Variants in DGKZ observed in about 807,000 individuals in gnomAD.
The protein encoded by DGKZ is diacylglycerol kinase zeta.
A neutral mutation model predicts 142.5 loss-of-function variants in DGKZ; 45 were observed. That is an observed-to-expected ratio of 0.32 (90% CI 0.25 to 0.40). The LOEUF (loss-of-function observed/expected upper bound fraction) is 0.40. Among genes scored for constraint, DGKZ ranks in the 10% least tolerant of loss-of-function variants. The pLI is 1.00. For missense variants in DGKZ, 755 were observed against 1,306.5 expected, an observed-to-expected ratio of 0.58 and a Z score of 6.51; for synonymous variants, 442 against 527.0, an observed-to-expected ratio of 0.84 and a Z score of 2.21.
chr11:46,365,062 G>A, intron 1 of DGKZ: 5 of 985,464 alleles, frequency 5.1e-6, no homozygotes, highest in Non-Finnish European at 6.0e-6. Flanking sequence ...GGGCACAGGA[G>A]CTCGATGCTG....
At chr11:46,349,068 T>C (rs976017202) in intron 1 of DGKZ, among the ~76,000 whole-genome samples, 1 of 152,194 alleles carries the variant, frequency 6.6e-6, no homozygotes, top group Non-Finnish European at 1.5e-5. Context: ...CCCGTGATGC[T>C]GACTTGTGCC....
At chr11:46,360,201 C>G (rs922416657) in intron 1 of DGKZ, among the ~76,000 whole-genome samples, 2 of 152,106 alleles carry the variant, frequency 1.3e-5, no homozygotes, top group African/African-American at 2.4e-5. Flanking sequence ...TGATGCCACT[C>G]TTTTTGCTAA....
At chr11:46,378,123 C>A in intron 25 of DGKZ, 75 bp from the exon 26 acceptor site, 1 of 1,551,068 alleles carries the variant, frequency 6.4e-7, no homozygotes, top group Non-Finnish European at 8.7e-7. Context: ...ATGAAGATGC[C>A]CCCAGTTGGG....
chr11:46,346,691 A>T (rs61882678), upstream of DGKZ, among the ~76,000 whole-genome samples: 30,776 of 151,988 alleles, frequency 0.2, 3,665 homozygotes, highest in African/African-American at 0.33. Flanking sequence ...GGAGTGTGGT[A>T]CCTGTTGTCC....
chr11:46,345,493 G>C, upstream of DGKZ: 3 of 1,514,050 alleles, frequency 2.0e-6, no homozygotes, highest in African/African-American at 1.4e-5. The surrounding 1 kb of genome is among the most constrained non-coding windows in gnomAD (Gnocchi z 4.1). Context: ...CGCTGGGGAC[G>C]GAAGAAGGGG....
chr11:46,378,137 G>A, intron 25 of DGKZ, 61 bp from the exon 26 acceptor site: 1 of 1,575,094 alleles, frequency 6.3e-7, no homozygotes, highest in Non-Finnish European at 8.6e-7. Context: ...AGTTGGGGTT[G>A]GGGAGGGCGA....
In DGKZ at chr11:46,366,771, T is replaced by A. The variant is rs1006664012; in HGVS notation, c.162-520T>A. On this transcript the variant is annotated intron_variant, in intron 1 of 30. Coordinates refer to ENST00000527911, the Ensembl canonical transcript of DGKZ. The stretch of plus-strand genomic sequence containing the variant: ...TCCCACCTGCTCCCCGCGGATGCCG[T>A]ATATGACCACGCTCTCTGGGGCCTG... The A allele has an allele frequency of 4.5e-6, 7 of 1,548,960 alleles. No individual in the cohort carries two copies. In the African/African-American group the frequency reaches 9.6e-5, roughly 21 times the overall value.
intron 1 of DGKZ, among the ~76,000 whole-genome samples, chr11:46,342,385 G>C (rs1418070480): frequency 6.6e-6 from 1 of 152,220 alleles, no homozygotes; most frequent in South Asian, 2.1e-4. Context: ...CAGCCTGCCT[G>C]CTTCCCCTCC....
chr11:46,376,291 C>G (rs756630190), intron 22 of DGKZ, 37 bp from the exon 23 acceptor site: 2 of 1,613,184 alleles, frequency 1.2e-6, no homozygotes, highest in East Asian at 2.2e-5. Context: ...CCCTGGCCCC[C>G]ACTCTATCCC....
chr11:46,371,155 G>T (rs1383247495), intron 6 of DGKZ, among the ~76,000 whole-genome samples, 158 bp from the exon 7 acceptor site: 3 of 152,194 alleles, frequency 2.0e-5, no homozygotes, highest in Admixed American at 6.5e-5. Flanking sequence ...AGTTACTTGG[G>T]GGGGCTGAGG....
chr11:46,367,614 C>T lies in DGKZ; in HGVS notation c.271-38C>T, dbSNP rs746253847. Reference sequence around the variant, plus strand: ...GGGGCTGATGGGAGGGAGGGCTGGGCGGCCAGCGTGTGCTGAGCAAGCCCA... The same window carrying T: ...GGGGCTGATGGGAGGGAGGGCTGGGTGGCCAGCGTGTGCTGAGCAAGCCCA... On this transcript the variant is annotated intron_variant, in intron 2 of 30. Coordinates refer to ENST00000527911, the Ensembl canonical transcript of DGKZ. This position sits in a 1 kb window ranked among gnomAD's most constrained non-coding sequence, Gnocchi z 4.1. 11 of 1,557,532 alleles carry T rather than the reference C, an allele frequency of 7.1e-6. No homozygotes were observed. Among genetic ancestry groups the T allele is most frequent in the Admixed American group, 1.8e-5 (1 of 56,800 alleles).
intron 1 of DGKZ, among the ~76,000 whole-genome samples, chr11:46,363,722 C>T (rs1052665871): frequency 2.0e-5 from 3 of 152,190 alleles, no homozygotes; most frequent in Non-Finnish European, 2.9e-5. Flanking sequence ...GCGGTGTGTC[C>T]GGGTGACTAA....
intron 27 of DGKZ, 120 bp downstream of exon 27, chr11:46,378,620 C>A (rs1944837943): frequency 3.7e-6 from 5 of 1,343,106 alleles, no homozygotes; most frequent in Non-Finnish European, 5.3e-6. Context: ...ATCGTCTGGC[C>A]CTCTGTGGGA....
At chr11:46,366,747 C>T (rs752975008) in intron 1 of DGKZ, 6 of 1,551,294 alleles carry the variant, frequency 3.9e-6, no homozygotes, top group South Asian at 1.2e-5. Flanking sequence ...CGAGCCTCCT[C>T]CCACCTGCTC....
At chr11:46,350,143 G>T (rs1406802790) in intron 1 of DGKZ, among the ~76,000 whole-genome samples, 1 of 152,194 alleles carries the variant, frequency 6.6e-6, no homozygotes, top group Non-Finnish European at 1.5e-5. Flanking sequence ...CTTCAGAAAT[G>T]AATACATTCA....
In DGKZ at chr11:46,367,152, CT is replaced by C; in HGVS notation, c.162-137del. 1 of 1,248,342 alleles carries C rather than the reference CT, an allele frequency of 8.0e-7. No individual in the cohort carries two copies. Among genetic ancestry groups the C allele is most frequent in the Non-Finnish European group, 1.1e-6 (1 of 875,578 alleles). The allele number at this position is 1,248,342 out of a possible 1,614,324, so 77.3% of individuals were successfully genotyped here. A position where few individuals can be genotyped will look rare whatever the true frequency, so the allele number is the denominator to read the frequency against. On this transcript the variant is annotated intron_variant, in intron 1 of 30. Coordinates refer to ENST00000527911, the Ensembl canonical transcript of DGKZ. This position sits in a 1 kb window ranked among gnomAD's most constrained non-coding sequence, Gnocchi z 4.1. The stretch of plus-strand genomic sequence containing the variant: ...AGGCCATGTCTCTTGCAGGGAGCCT[CT>C]TAGTGTCTGGGGCTGCTGGGAGGCT...
At chr11:46,369,264 ATCCTGGG>A in intron 4 of DGKZ, 1 of 600,190 alleles carries the variant, frequency 1.7e-6, no homozygotes, top group Non-Finnish European at 3.0e-6. Flanking sequence ...CCTCCCCCTC[ATCCTGGG>A]TCCTGGGTGG....
exon 30 of DGKZ, chr11:46,379,505 C>T (rs762855409): frequency 6.2e-7 from 1 of 1,611,434 alleles, no homozygotes; most frequent in South Asian, 1.1e-5. Flanking sequence ...CGGCCCTGGG[C>T]CAGCGCACCA....
intron 4 of DGKZ, chr11:46,368,702 C>T (rs1204191944): frequency 5.3e-6 from 1 of 189,424 alleles, no homozygotes. Context: ...GTGAGGCTTC[C>T]TTATACCTCT....
Sources: gnomAD v4.1 joint callset for allele counts (sites outside exome capture counted in the v4.1 genomes callset) on GRCh38, gnomAD v4.1.1 for gene constraint, Gnocchi (gnomAD v3.1) non-coding constraint, MANE v1.5 for transcripts, NCBI Gene and HGNC (gene_info 2026-07-23, HGNC 2026-07-21) for gene names.